The following KIAA0825 variants were observed in gnomAD, a reference collection of about 807,000 sequenced individuals.
The protein encoded by KIAA0825 is uncharacterized protein KIAA0825.
A neutral mutation model predicts 147.6 loss-of-function variants in KIAA0825; 119 were observed. That is an observed-to-expected ratio of 0.81 (90% confidence interval 0.69 to 0.94). The LOEUF (loss-of-function observed/expected upper bound fraction) is 0.94. Among genes scored for constraint, KIAA0825 ranks in the 40% least tolerant of loss-of-function variants. The pLI is 0.00. For synonymous variants in KIAA0825, 470 were observed against 518.1 expected, an observed-to-expected ratio of 0.91 and a Z score of 1.26; for missense variants, 1,381 against 1,472.7, an observed-to-expected ratio of 0.94 and a Z score of 1.02.
chr5:94,484,628 T>C (rs1762837611), intron 6 of KIAA0825, 141 bp downstream of exon 6: 5 of 457,452 alleles, frequency 1.1e-5, no homozygotes, highest in South Asian at 1.2e-4. Flanking sequence ...ATATAATGCA[T>C]GGTGTGCATT....
intron 15 of KIAA0825, among the ~76,000 whole-genome samples, chr5:94,411,741 G>A (rs1752794624): frequency 6.6e-6 from 1 of 152,148 alleles, no homozygotes; most frequent in African/African-American, 2.4e-5. Flanking sequence ...GAATTCAGGA[G>A]TTCGAGACCA....
At chr5:94,239,931 A>G (rs143583057) in intron 20 of KIAA0825, among the ~76,000 whole-genome samples, 39 of 152,344 alleles carry the variant, frequency 2.6e-4, no homozygotes, top group African/African-American at 8.7e-4. Flanking sequence ...TAGATGTAAA[A>G]GCTCACAAGT....
At chr5:94,462,878 C>T (rs939281617) in intron 11 of KIAA0825, among the ~76,000 whole-genome samples, 6 of 151,498 alleles carry the variant, frequency 4.0e-5, no homozygotes, top group African/African-American at 7.3e-5. Flanking sequence ...GAGATCATCC[C>T]GGAAATTATA....
chr5:94,343,762 A>C (rs187187341), intron 20 of KIAA0825, among the ~76,000 whole-genome samples: 3 of 152,324 alleles, frequency 2.0e-5, no homozygotes, highest in Non-Finnish European at 4.4e-5. Context: ...AAAAGTTTGT[A>C]TCCCTCTATC....
intron 5 of KIAA0825, among the ~76,000 whole-genome samples, chr5:94,513,549 T>C (rs572865673): frequency 4.6e-5 from 7 of 152,322 alleles, no homozygotes; most frequent in Admixed American, 4.6e-4. Context: ...ATTGCATACA[T>C]GTTCTCTTTT....
intron 20 of KIAA0825, among the ~76,000 whole-genome samples, chr5:94,201,161 G>C (rs6556842): frequency 1 from 149,766 of 150,180 alleles, 74,678 homozygotes; most frequent in Middle Eastern, 1. Context: ...TGAGAGTGAC[G>C]CACAGAACCA....
At chr5:94,585,680 C>A (rs912659541) in intron 1 of KIAA0825, among the ~76,000 whole-genome samples, 2 of 152,130 alleles carry the variant, frequency 1.3e-5, no homozygotes, top group Non-Finnish European at 2.9e-5. Context: ...CAGCTCTGGA[C>A]CAACCGGGCT....
At chr5:94,457,490 A>G (rs1384339948) in intron 12 of KIAA0825, among the ~76,000 whole-genome samples, 6 of 152,234 alleles carry the variant, frequency 3.9e-5, no homozygotes, top group Non-Finnish European at 8.8e-5. Context: ...GCATTTGGGA[A>G]AATTCCTTGC....
At chr5:94,219,954 A>G (rs1447356962) in intron 20 of KIAA0825, among the ~76,000 whole-genome samples, 4 of 152,316 alleles carry the variant, frequency 2.6e-5, no homozygotes, top group Middle Eastern at 3.4e-3. Flanking sequence ...TTTTTCTTCA[A>G]TAATAAATTA....
intron 2 of KIAA0825, among the ~76,000 whole-genome samples, chr5:94,571,058 G>A (rs1016033728): frequency 2.6e-5 from 4 of 152,168 alleles, no homozygotes; most frequent in Non-Finnish European, 5.9e-5. Context: ...GAATATTGCA[G>A]ATTTTGGGGA....
intron 20 of KIAA0825, among the ~76,000 whole-genome samples, chr5:94,184,179 C>T (rs891249521): frequency 6.6e-6 from 1 of 151,936 alleles, no homozygotes; most frequent in Non-Finnish European, 1.5e-5. Context: ...TTCTAAGTGT[C>T]GCGAGTAGAG....
intron 1 of KIAA0825, among the ~76,000 whole-genome samples, chr5:94,610,533 G>A (rs1190207504): frequency 6.7e-6 from 1 of 150,246 alleles, no homozygotes; most frequent in Admixed American, 6.6e-5. Flanking sequence ...GGAGGCTGAG[G>A]CAGGCAGATT....
At position 94,417,333 on chromosome 5, in the gene KIAA0825, G is replaced by A; in HGVS notation, c.2530C>T (p.Gln844Ter). Residue 844 changes from glutamine (Q) to a stop codon, truncating the protein, a stop_gained, in exon 15 of 21, where the codon CAA becomes TAA. Coordinates refer to ENST00000682413, the MANE Select transcript of KIAA0825 (RefSeq NM_001145678.3). LOFTEE classifies it high-confidence loss of function. ...QVSDTENNLN[Q>*]GPSLMEAIFK... is the part of the protein sequence containing the mutation. The stretch of plus-strand genomic sequence containing the variant: ...ATGGCTTCCATCAAGCTGGGTCCTT[G>A]GTTCAGGTTATTTTCTGTGTCGGAA... The A allele has an allele frequency of 6.5e-7, 1 of 1,547,554 alleles. No homozygotes were observed. The highest frequency in any genetic ancestry group is 8.7e-7 in the Non-Finnish European group (1 of 1,143,686).
chr5:94,278,366 G>A (rs950349473), intron 20 of KIAA0825, among the ~76,000 whole-genome samples: 3 of 152,074 alleles, frequency 2.0e-5, no homozygotes, highest in African/African-American at 7.2e-5. Flanking sequence ...AGGCATTCCT[G>A]CTTGCAACAT....
chr5:94,354,932 G>T (rs1278252308), intron 20 of KIAA0825, among the ~76,000 whole-genome samples: 1 of 152,156 alleles, frequency 6.6e-6, no homozygotes, highest in Non-Finnish European at 1.5e-5. Context: ...GGTGCAGCTT[G>T]TTTTTATATA....
At chr5:94,383,805 G>A (rs1175363732) in intron 20 of KIAA0825, among the ~76,000 whole-genome samples, 2 of 151,676 alleles carry the variant, frequency 1.3e-5, no homozygotes, top group Non-Finnish European at 2.9e-5. Context: ...GTGTGTGTGT[G>A]TGTGTGTGTG....
At chr5:94,539,121 C>T (rs1186188402) in intron 2 of KIAA0825, among the ~76,000 whole-genome samples, 1 of 152,142 alleles carries the variant, frequency 6.6e-6, no homozygotes, top group African/African-American at 2.4e-5. Flanking sequence ...ACCCATTAAA[C>T]CAAGATGGCC....
intron 20 of KIAA0825, among the ~76,000 whole-genome samples, chr5:94,357,623 T>A (rs535071522): frequency 7.4e-4 from 112 of 152,216 alleles, no homozygotes; most frequent in Non-Finnish European, 1.3e-3. Context: ...TGTTGGCAGT[T>A]TGTAGGCAAG....
chr5:94,175,939 C>T (rs1769052024), intron 20 of KIAA0825, among the ~76,000 whole-genome samples: 1 of 152,136 alleles, frequency 6.6e-6, no homozygotes, highest in African/African-American at 2.4e-5. Context: ...AGGTTATCCT[C>T]ATTGATGTCT....
Sources: gnomAD v4.1 joint callset for allele counts (sites outside exome capture counted in the v4.1 genomes callset) on GRCh38, gnomAD v4.1.1 for gene constraint, MANE v1.5 for transcripts, NCBI Gene and HGNC (gene_info 2026-07-23, HGNC 2026-07-21) for gene names.